DACH1: variants seen among roughly 807,000 people sequenced by gnomAD.
DACH1 encodes dachshund family transcription factor 1.
Under a neutral mutation model 54.2 loss-of-function variants are expected in DACH1, and 12 were observed. The ratio of observed to expected loss-of-function variants is 0.22; its 90% CI spans 0.14 to 0.36. DACH1 has a LOEUF of 0.36. Among genes scored for constraint, DACH1 ranks in the 10% least tolerant of loss-of-function variants. The pLI is 1.00. For missense variants in DACH1, 805 were observed against 929.8 expected, an observed-to-expected ratio of 0.87 and a Z score of 1.75; for synonymous variants, 386 against 366.2, an observed-to-expected ratio of 1.05 and a Z score of -0.62.
rs553112895 is a variant in DACH1 at position 71,790,728 on chromosome 13, C to T, written c.848+75194G>A. Among the ~76,000 whole-genome samples, 23 of 152,236 alleles carry T rather than the reference C, an allele frequency of 1.5e-4. No homozygotes were observed. In the Middle Eastern group the frequency reaches 0.017, roughly 113 times the overall value. On this transcript the variant is annotated intron_variant, in intron 1 of 10. Transcript: ENST00000613252. The stretch of plus-strand genomic sequence containing the variant: ...TTGCAAGACAAACTAATGTTAGTAA[C>T]TTCCAGGTGATCAGGAAAGTCAAAA...
intron 1 of DACH1, among the ~76,000 whole-genome samples, chr13:71,808,243 G>A (rs1594246037): frequency 6.6e-6 from 1 of 152,194 alleles, no homozygotes; most frequent in East Asian, 1.9e-4. Context: ...TTTCATAGTT[G>A]TAATGCCTCT....
At chr13:71,561,344 G>C (rs897702986) in intron 4 of DACH1, among the ~76,000 whole-genome samples, 5 of 152,142 alleles carry the variant, frequency 3.3e-5, no homozygotes, top group African/African-American at 1.2e-4. Context: ...CTGAGTCTTT[G>C]CAGACATAAT....
At chr13:71,744,031 G>A (rs1884508516) in intron 1 of DACH1, among the ~76,000 whole-genome samples, 1 of 152,084 alleles carries the variant, frequency 6.6e-6, no homozygotes, top group African/African-American at 2.4e-5. Flanking sequence ...GGACAGATAA[G>A]GTGTAAATAA....
At chr13:71,796,802 G>A (rs2138110929) in intron 1 of DACH1, among the ~76,000 whole-genome samples, 1 of 152,094 alleles carries the variant, frequency 6.6e-6, no homozygotes, top group East Asian at 1.9e-4. Flanking sequence ...AAATTCACCA[G>A]TAAACTTTGC....
chr13:71,750,086 C>G (rs1056133961), intron 1 of DACH1, among the ~76,000 whole-genome samples: 23 of 152,180 alleles, frequency 1.5e-4, no homozygotes, highest in Non-Finnish European at 7.3e-5. Context: ...GTCACATTCA[C>G]TCTTAACAGC....
intron 1 of DACH1, among the ~76,000 whole-genome samples, chr13:71,708,922 G>A (rs1458335889): frequency 1.4e-5 from 2 of 142,504 alleles, no homozygotes; most frequent in Non-Finnish European, 1.5e-5. Context: ...GCGCGATCTC[G>A]GCTCACTGCA....
intron 6 of DACH1, among the ~76,000 whole-genome samples, chr13:71,506,918 A>C (rs1190586998): frequency 6.6e-5 from 10 of 151,428 alleles, no homozygotes; most frequent in African/African-American, 2.4e-4. Context: ...AGATGGATTA[A>C]AGACTTAAAC....
chr13:71,628,960 T>G (rs4883894), intron 3 of DACH1, among the ~76,000 whole-genome samples: 40,624 of 151,904 alleles, frequency 0.27, 7,825 homozygotes, highest in African/African-American at 0.5. Flanking sequence ...AGAACAGCCT[T>G]CATGAACAGC....
intron 1 of DACH1, among the ~76,000 whole-genome samples, chr13:71,842,758 C>T (rs1372940639): frequency 6.6e-6 from 1 of 151,834 alleles, no homozygotes; most frequent in Non-Finnish European, 1.5e-5. Flanking sequence ...TCACCTATTA[C>T]TCAAAGTTAA....
chr13:71,513,410 A>C (rs1880928347), intron 6 of DACH1, among the ~76,000 whole-genome samples: 1 of 152,012 alleles, frequency 6.6e-6, no homozygotes, highest in Non-Finnish European at 1.5e-5. Context: ...TATAATAACA[A>C]AAAATTCAAG....
intron 1 of DACH1, among the ~76,000 whole-genome samples, chr13:71,865,659 A>G (rs1318099739): frequency 2.6e-5 from 4 of 152,064 alleles, no homozygotes; most frequent in Middle Eastern, 3.4e-3. Flanking sequence ...GCTTTCCCAC[A>G]TCCCACAGCA....
rs193061395 is a variant in DACH1, at chr13:71,521,441, A to G, written c.1571-32293T>C. Among the ~76,000 whole-genome samples, 73 of 152,180 alleles carry G rather than the reference A, an allele frequency of 4.8e-4. 1 individual carries two copies. The highest frequency in any genetic ancestry group is 2.5e-3 in the South Asian group (12 of 4,824). ...GTTTAACATAGGTCTAAATCTCACT[A>G]CTATTCAATACTGCTTGAATGGGAA... On this transcript the variant is annotated intron_variant, in intron 6 of 10. Transcript: ENST00000613252.
chr13:71,781,018 C>A (rs1162450287), intron 1 of DACH1, among the ~76,000 whole-genome samples: 1 of 151,996 alleles, frequency 6.6e-6, no homozygotes, highest in Non-Finnish European at 1.5e-5. Flanking sequence ...TGCCTGTAGT[C>A]CAGTTACTTG....
intron 1 of DACH1, among the ~76,000 whole-genome samples, chr13:71,857,934 T>C (rs1200722256): frequency 1.3e-5 from 2 of 151,688 alleles, no homozygotes; most frequent in Non-Finnish European, 3.0e-5. Flanking sequence ...GTCTTTAAAA[T>C]ATAAGACTAT....
chr13:71,649,058 C>A (rs1311093228), intron 2 of DACH1, among the ~76,000 whole-genome samples: 1 of 152,110 alleles, frequency 6.6e-6, no homozygotes, highest in Non-Finnish European at 1.5e-5. Context: ...TAATGATGTT[C>A]CTATCAACAA....
chr13:71,758,077 G>C (rs1885242263), intron 1 of DACH1, among the ~76,000 whole-genome samples: 1 of 152,026 alleles, frequency 6.6e-6, no homozygotes, highest in African/African-American at 2.4e-5. Flanking sequence ...GACCACCGAA[G>C]ACTTGATTAC....
At chr13:71,661,960 C>A (rs2138654061) in intron 2 of DACH1, among the ~76,000 whole-genome samples, 1 of 152,174 alleles carries the variant, frequency 6.6e-6, no homozygotes, top group South Asian at 2.1e-4. Context: ...TCAGAGCCCC[C>A]ATTCTTCTCT....
intron 6 of DACH1, among the ~76,000 whole-genome samples, chr13:71,556,575 A>G (rs1884264114): frequency 6.6e-6 from 1 of 152,286 alleles, no homozygotes; most frequent in East Asian, 1.9e-4. Context: ...TCTTGAAACA[A>G]CTAGTAGTAC....
intron 3 of DACH1, among the ~76,000 whole-genome samples, chr13:71,625,961 TGTTTACCA>T (rs1005503809): frequency 1.3e-5 from 2 of 152,014 alleles, no homozygotes; most frequent in African/African-American, 4.8e-5. Context: ...TGTTGATAGC[TGTTTACCA>T]GTTCTATGAG....
Sources: allele counts gnomAD v4.1 joint callset (sites outside exome capture counted in the v4.1 genomes callset), GRCh38; gene constraint gnomAD v4.1.1; transcripts MANE v1.5; gene names NCBI Gene and HGNC (gene_info 2026-07-23, HGNC 2026-07-21).